The following CRYL1 variants were observed in gnomAD, a reference collection of about 807,000 sequenced individuals.
The protein encoded by CRYL1 is lambda-crystallin homolog.
CRYL1 carries 29 observed loss-of-function variants against 36.6 expected under a neutral mutation model. The ratio of observed to expected loss-of-function variants is 0.79; its 90% CI spans 0.59 to 1.08. The LOEUF (loss-of-function observed/expected upper bound fraction) is 1.08, where lower values mean the gene tolerates loss of function less well. CRYL1 is among the 50% of genes least tolerant of loss of function. CRYL1 has a pLI of 0.00. For missense variants in CRYL1, 411 were observed against 407.9 expected (o/e 1.01, Z -0.06); for synonymous variants, 152 against 151.5 (o/e 1.00, Z -0.02).
intron 4 of CRYL1, 26 bp downstream of exon 4, chr13:20,439,567 C>G (rs2032309538): frequency 1.0e-6 from 1 of 980,012 alleles, no homozygotes; most frequent in East Asian, 5.7e-5. Flanking sequence ...GAGATACAAT[C>G]AATCCTCTGG....
At chr13:20,462,757 T>C (rs74036371) in intron 3 of CRYL1, among the ~76,000 whole-genome samples, 2,062 of 151,960 alleles carry the variant, frequency 0.014, 25 homozygotes, top group African/African-American at 0.028. Context: ...AGGCATACGA[T>C]GCAGGTTTTC....
intron 4 of CRYL1, among the ~76,000 whole-genome samples, chr13:20,432,595 C>G: frequency 6.6e-6 from 1 of 152,138 alleles, no homozygotes; most frequent in African/African-American, 2.4e-5. Context: ...CCTGGCCTCC[C>G]CAGGACAGAG....
chr13:20,432,871 A>T (rs754480831), intron 4 of CRYL1, among the ~76,000 whole-genome samples: 1 of 152,134 alleles, frequency 6.6e-6, no homozygotes, highest in Non-Finnish European at 1.5e-5. Flanking sequence ...TAAAAAAATT[A>T]GCTAGGTGTG....
At chr13:20,519,357 G>C (rs2034056414) in intron 1 of CRYL1, among the ~76,000 whole-genome samples, 1 of 152,154 alleles carries the variant, frequency 6.6e-6, no homozygotes, top group South Asian at 2.1e-4. Context: ...ACCATGACAA[G>C]AGCAGATTTG....
At chr13:20,495,193 G>A (rs971644600) in intron 2 of CRYL1, among the ~76,000 whole-genome samples, 1 of 152,190 alleles carries the variant, frequency 6.6e-6, no homozygotes, top group Non-Finnish European at 1.5e-5. Flanking sequence ...TAGAAAAGAT[G>A]TGCCAATCAA....
intron 5 of CRYL1, among the ~76,000 whole-genome samples, chr13:20,429,117 C>T (rs565204005): frequency 1.3e-5 from 2 of 152,340 alleles, no homozygotes; most frequent in African/African-American, 4.8e-5. Flanking sequence ...GGCACTCCGG[C>T]CACACATGGA....
chr13:20,482,369 G>T (rs73445929), intron 3 of CRYL1, among the ~76,000 whole-genome samples: 12 of 152,146 alleles, frequency 7.9e-5, no homozygotes, highest in Non-Finnish European at 1.8e-4. Flanking sequence ...TGTGATCTCC[G>T]GTTTTAAGTT....
chr13:20,509,893 G>A (rs1017607446), intron 2 of CRYL1, among the ~76,000 whole-genome samples: 3 of 152,214 alleles, frequency 2.0e-5, no homozygotes, highest in African/African-American at 7.2e-5. Context: ...TCGTGCCATT[G>A]CACTCCAGCC....
chr13:20,428,507 C>T (rs917282561), intron 5 of CRYL1, among the ~76,000 whole-genome samples: 7 of 152,146 alleles, frequency 4.6e-5, no homozygotes, highest in Non-Finnish European at 4.4e-5. Context: ...CAAAGCATAA[C>T]CAGGTTGAAT....
chr13:20,505,139 T>C (rs1284787087), intron 2 of CRYL1, among the ~76,000 whole-genome samples: 15 of 152,150 alleles, frequency 9.9e-5, no homozygotes, highest in Admixed American at 9.8e-4. Context: ...GTAGATCACC[T>C]GAGATCAGGA....
intron 5 of CRYL1, among the ~76,000 whole-genome samples, chr13:20,419,378 C>G (rs1180830876): frequency 6.6e-6 from 1 of 152,194 alleles, no homozygotes; most frequent in Non-Finnish European, 1.5e-5. Flanking sequence ...ACTGCAACCT[C>G]TGCCTCCCAG....
intron 3 of CRYL1, among the ~76,000 whole-genome samples, chr13:20,478,067 T>A (rs2033202007): frequency 6.6e-6 from 1 of 150,638 alleles, no homozygotes; most frequent in Non-Finnish European, 1.5e-5. Flanking sequence ...TAAATAACCA[T>A]CTCCCATTGC....
At chr13:20,495,606 G>C (rs2033591233) in intron 2 of CRYL1, among the ~76,000 whole-genome samples, 1 of 152,172 alleles carries the variant, frequency 6.6e-6, no homozygotes, top group South Asian at 2.1e-4. Context: ...TAAAAATAGA[G>C]CCACCATATG....
chr13:20,420,287 C>A (rs950923464), intron 5 of CRYL1, among the ~76,000 whole-genome samples: 1 of 152,180 alleles, frequency 6.6e-6, no homozygotes, highest in African/African-American at 2.4e-5. Context: ...ACCACCCTGG[C>A]CAGGCTGCTG....
At chr13:20,446,120 T>C (rs1443970062) in intron 3 of CRYL1, among the ~76,000 whole-genome samples, 2 of 152,204 alleles carry the variant, frequency 1.3e-5, no homozygotes, top group Admixed American at 1.3e-4. Context: ...ATTTTTTATT[T>C]ATTTATTTTG....
chr13:20,450,415 C>A (rs36078334), intron 3 of CRYL1, among the ~76,000 whole-genome samples: 24 of 152,074 alleles, frequency 1.6e-4, no homozygotes, highest in African/African-American at 5.8e-4. Context: ...AAACACCTAC[C>A]TTTCACCATA....
intron 3 of CRYL1, among the ~76,000 whole-genome samples, chr13:20,461,081 G>A (rs2032809217): frequency 1.3e-5 from 2 of 152,146 alleles, no homozygotes; most frequent in Admixed American, 1.3e-4. Flanking sequence ...TTCTCTAAAT[G>A]CTACTGAGGT....
intron 3 of CRYL1, among the ~76,000 whole-genome samples, chr13:20,482,776 C>G (rs957025825): frequency 2.6e-5 from 4 of 152,126 alleles, no homozygotes; most frequent in African/African-American, 4.8e-5. Flanking sequence ...TGTGTGCGCA[C>G]GCACACACGC....
intron 5 of CRYL1, among the ~76,000 whole-genome samples, chr13:20,427,466 G>A (rs1484569677): frequency 6.6e-6 from 1 of 152,102 alleles, no homozygotes; most frequent in Non-Finnish European, 1.5e-5. Flanking sequence ...ACAGGGGAGC[G>A]TCTCATAGCC....
Sources: gnomAD v4.1 joint callset for allele counts (sites outside exome capture counted in the v4.1 genomes callset) on GRCh38, gnomAD v4.1.1 for gene constraint, MANE v1.5 for transcripts, NCBI Gene and HGNC (gene_info 2026-07-23, HGNC 2026-07-21) for gene names.